Variants in NECAB3 observed in about 807,000 individuals in gnomAD.
NECAB3 encodes the protein N-terminal EF-hand calcium-binding protein 3.
Under a neutral mutation model 57.2 loss-of-function variants are expected in NECAB3, and 38 were observed. That is an observed-to-expected ratio of 0.66 (90% CI 0.51 to 0.87). The LOEUF is 0.87. Ranked by LOEUF, NECAB3 falls within the 40% of genes least tolerant of loss-of-function variation. The pLI is 0.00. For synonymous variants in NECAB3, 223 were observed against 222.6 expected, an observed-to-expected ratio of 1.00 and a Z score of -0.02; for missense variants, 474 against 527.5, an observed-to-expected ratio of 0.90 and a Z score of 0.99.
intron 5 of NECAB3, chr20:33,663,531 G>T: frequency 6.2e-7 from 1 of 1,608,976 alleles, no homozygotes; most frequent in Non-Finnish European, 8.5e-7. Context: ...TCCACCCCCA[G>T]ACCAGGATCG....
intron 5 of NECAB3, chr20:33,662,355 TATAGTTCCCACAA>T (rs2017505250): frequency 6.4e-7 from 1 of 1,551,206 alleles, no homozygotes. Flanking sequence ...CATGGGAAAC[TATAGTTCCCACAA>T]AAGGACCAAA....
In NECAB3 at chr20:33,659,501, T is replaced by A; in HGVS notation, c.875A>T (p.Asp292Val). ...TTGCCCCTCTCCTGGGCTCACCAAG[T>A]CAGGCCCCTTGGCCAGGTCCTCTTC... is the stretch of plus-strand genomic sequence containing the variant. Reference protein sequence around the residue: ...LREEDLAKGPDLHILMAQRQV... With the variant: ...LREEDLAKGPVLHILMAQRQV... The change falls in exon 8 of 12, where the codon GAC (aspartate) becomes GTC (valine). Residue 292 changes from aspartate (D) to valine (V), a missense_variant. Asp to Val is a radical substitution (Grantham distance 152). Transcript: ENST00000246190. The A allele has an allele frequency of 6.8e-7, 1 of 1,479,284 alleles. No homozygotes were observed. The highest frequency in any genetic ancestry group is 9.0e-7 in the Non-Finnish European group (1 of 1,109,352). The allele number at this position is 1,479,284 out of a possible 1,614,324, so 91.6% of individuals were successfully genotyped here. A position where few individuals can be genotyped will look rare whatever the true frequency, so the allele number is the denominator to read the frequency against.
intron 3 of NECAB3, chr20:33,670,453 T>C: frequency 4.6e-6 from 2 of 436,350 alleles, no homozygotes; most frequent in Non-Finnish European, 8.2e-6. Context: ...AGCTGAGCCA[T>C]GGGTGGTGAC....
intron 5 of NECAB3, among the ~76,000 whole-genome samples, chr20:33,665,816 C>T (rs183478097): frequency 1.3e-5 from 2 of 152,278 alleles, no homozygotes; most frequent in East Asian, 3.9e-4. Flanking sequence ...GGTGCGGTGG[C>T]TCACACCTGT....
intron 1 of NECAB3, among the ~76,000 whole-genome samples, chr20:33,673,656 T>G (rs2017880462): frequency 6.6e-6 from 1 of 151,834 alleles, no homozygotes. Flanking sequence ...TTTGCCTCCC[T>G]CTGGAGTTGG....
chr20:33,665,605 T>C (rs145958546), intron 5 of NECAB3: 1 of 152,386 alleles, frequency 6.6e-6, no homozygotes, highest in Non-Finnish European at 1.5e-5. Context: ...AAAGTCCTTA[T>C]TTTGGGTTAC....
intron 1 of NECAB3, 30 bp from the exon 2 acceptor site, chr20:33,672,452 G>A: frequency 6.2e-7 from 1 of 1,613,864 alleles, no homozygotes; most frequent in Non-Finnish European, 8.5e-7. Context: ...AGAGAGAACT[G>A]TGAGTGCCAC....
intron 5 of NECAB3, chr20:33,662,419 A>T: frequency 1.3e-6 from 2 of 1,551,680 alleles, no homozygotes; most frequent in South Asian, 1.2e-5. Context: ...GCTGACATGG[A>T]CAAGGCCTGG....
In NECAB3 at chr20:33,660,270, G is replaced by A. The variant is rs193101056; in HGVS notation, c.513C>T (p.Ala171=). 359 of 1,612,976 alleles carry A rather than the reference G, an allele frequency of 2.2e-4. 1 individual carries two copies. Among genetic ancestry groups the A allele is most frequent in the Non-Finnish European group, 2.9e-4 (340 of 1,179,874 alleles). Residue 171 remains alanine, a synonymous_variant, in exon 6 of 12, where the codon GCC becomes GCT. Coordinates refer to ENST00000246190, the MANE Select transcript of NECAB3 (RefSeq NM_031232.4). The surrounding 1 kb of genome is among the most constrained non-coding windows in gnomAD (Gnocchi z 4.1). ...EGASDTLEAQ[A]HGWRSDAESV... ...GCACCCTTACATACCGCCAGCCATG[G>A]GCCTGGGCCTCCAGGGTATCTGACG...
Position 33,659,887 on chromosome 20 carries a change from G to T in NECAB3, c.641C>A (p.Thr214Lys). 6.5e-7 allele frequency: 1 copy of T among 1,544,816 alleles called. No homozygotes were observed. Reference sequence around the variant, plus strand: ...CTCCCACCCCACCCCAGGCGCACCTGTGTCAGAAGAGCCGGGGGACCAGGT... The same window carrying T: ...CTCCCACCCCACCCCAGGCGCACCTTTGTCAGAAGAGCCGGGGGACCAGGT... Reference protein sequence around the residue: ...SSTWSPGSSDTGRSSEAEMQW... With the variant: ...SSTWSPGSSDKGRSSEAEMQW... The change falls in exon 7 of 12, where the codon ACA becomes AAA. Residue 214 changes from threonine to lysine, a missense_variant and splice_region_variant. By Grantham distance (78) the Thr-to-Lys change is moderately conservative. Transcript: ENST00000246190.
In NECAB3 at chr20:33,657,702, G is replaced by A. The variant is rs1321328051; in HGVS notation, c.*127C>T. ...GCCCAGTCCCTGATCCCTGGGCTGA[G>A]AGCCCTTCCACCAGGCCCAAGTCCA... is the stretch of plus-strand genomic sequence containing the variant. On this transcript the variant is annotated 3_prime_UTR_variant, in exon 12 of 12. Transcript: ENST00000246190. The A allele has an allele frequency of 9.6e-6, 9 of 932,862 alleles. No homozygotes were observed. The highest frequency in any genetic ancestry group is 1.4e-5 in the Non-Finnish European group (9 of 637,550). 57.8% of individuals were successfully genotyped at this position (932,862 alleles called of 1,614,324 possible). A position where few individuals can be genotyped will look rare whatever the true frequency, so the allele number is the denominator to read the frequency against.
intron 5 of NECAB3, chr20:33,663,579 C>G: frequency 1.2e-6 from 2 of 1,611,450 alleles, no homozygotes; most frequent in Non-Finnish European, 1.7e-6. Flanking sequence ...AGCCGCTGGC[C>G]AACGCTGGGC....
At chr20:33,658,154 C>T (rs988150410) in intron 10 of NECAB3, 121 bp from the exon 11 acceptor site, 22 of 862,446 alleles carry the variant, frequency 2.6e-5, no homozygotes, top group Non-Finnish European at 3.7e-5. Flanking sequence ...CCCTGTGACA[C>T]GGGGAAGCTG....
chr20:33,668,130 C>T lies in NECAB3; in HGVS notation c.387+1245G>A, dbSNP rs756215836. Reference sequence around the variant, plus strand: ...ATGGGCGTGGCATGGCTGTGTGGACCGGCGGCTCCATGGTGGCCTCCCTGC... The same window carrying T: ...ATGGGCGTGGCATGGCTGTGTGGACTGGCGGCTCCATGGTGGCCTCCCTGC... On this transcript the variant is annotated intron_variant, in intron 5 of 11. Coordinates refer to ENST00000246190, the MANE Select transcript of NECAB3 (RefSeq NM_031232.4). 10 of 1,610,640 alleles carry T rather than the reference C, an allele frequency of 6.2e-6. No homozygotes were observed. The African/African-American group carries it at 6.7e-5, about 11-fold the overall frequency.
chr20:33,658,107 G>A (rs1460049376), intron 10 of NECAB3, 74 bp from the exon 11 acceptor site: 1 of 1,361,920 alleles, frequency 7.3e-7, no homozygotes, highest in African/African-American at 1.4e-5. Context: ...TCAGACCCCG[G>A]CCCTTCTCAC....
chr20:33,674,465 G>GGCCCCGCCCCC (rs1199737828), upstream of NECAB3: 427 of 918,990 alleles, frequency 4.6e-4, no homozygotes, highest in Non-Finnish European at 5.0e-4. Flanking sequence ...CGCGGGCTCA[G>GGCCCCGCCCCC]GCCCCGCCCC....
At chr20:33,674,507 G>T (rs1451875450), upstream of NECAB3, 14 of 694,416 alleles carry the variant, frequency 2.0e-5, no homozygotes, top group African/African-American at 5.7e-5. Flanking sequence ...GGGTTCCCTC[G>T]CCTCAAGGTC....
rs1320878905 is a variant in NECAB3, at chr20:33,660,865, G to A, written c.388-470C>T. 6.6e-6 allele frequency among the ~76,000 whole-genome samples: 1 copy of A among 152,184 alleles called. No homozygotes were observed. The highest frequency in any genetic ancestry group is 1.5e-5 in the Non-Finnish European group (1 of 68,030). On this transcript the variant is annotated intron_variant, in intron 5 of 11. Transcript: ENST00000246190. This position sits in a 1 kb window ranked among gnomAD's most constrained non-coding sequence, Gnocchi z 4.1. ...TTCACTCATACACACAACACTGGGT[G>A]CTTTTTACTAGGAGCTGCTGATAAA...
rs550288958 is a variant in NECAB3 at position 33,667,471 on chromosome 20, G to A, written c.387+1904C>T. ...CGAAAGGGTGGCGGAGCTGCTGTTCGAGACCCTGGCAGTGCCCGCGTGCCA... is the reference window on the plus strand; with the variant it reads ...CGAAAGGGTGGCGGAGCTGCTGTTCAAGACCCTGGCAGTGCCCGCGTGCCA... On this transcript the variant is annotated intron_variant, in intron 5 of 11. Transcript: ENST00000246190. 2.7e-5 allele frequency: 39 copies of A among 1,451,300 alleles called. No individual in the cohort carries two copies. In the South Asian group the frequency reaches 5.6e-4, roughly 21 times the overall value. The allele number at this position is 1,451,300 out of a possible 1,614,324, so 89.9% of individuals were successfully genotyped here.
Sources: allele counts gnomAD v4.1 joint callset (sites outside exome capture counted in the v4.1 genomes callset), GRCh38; gene constraint gnomAD v4.1.1; non-coding constraint Gnocchi (gnomAD v3.1); transcripts MANE v1.5; gene names NCBI Gene and HGNC (gene_info 2026-07-23, HGNC 2026-07-21).